Variants in MYPN observed in about 807,000 individuals in gnomAD.
The protein encoded by MYPN is myopalladin.
In MYPN, 63 loss-of-function variants were observed where a neutral mutation model predicts 129.4. The ratio of observed to expected loss-of-function variants is 0.49; its 90% CI spans 0.40 to 0.60. MYPN has a LOEUF of 0.60. Ranked by LOEUF, MYPN falls within the 20% of genes least tolerant of loss-of-function variation. MYPN has a pLI of 0.00. For synonymous variants in MYPN, 629 were observed against 600.9 expected (o/e 1.05, Z -0.68); for missense variants, 1,596 against 1,635.4 (o/e 0.98, Z 0.42).
At chr10:68,189,355 T>C (rs1238436286) in intron 13 of MYPN, among the ~76,000 whole-genome samples, 2 of 152,256 alleles carry the variant, frequency 1.3e-5, no homozygotes, top group South Asian at 2.1e-4. Flanking sequence ...TTTATCTTTT[T>C]TGTGTATTGG....
At chr10:68,159,648 A>T (rs78314551) in intron 7 of MYPN, among the ~76,000 whole-genome samples, 7,532 of 151,860 alleles carry the variant, frequency 0.05, 229 homozygotes, top group Middle Eastern at 0.068. Context: ...ATTGCAACAT[A>T]CTTGCTTTTT....
upstream of MYPN, among the ~76,000 whole-genome samples, chr10:68,101,880 CCTTAT>C (rs1370196638): frequency 1.3e-5 from 2 of 151,822 alleles, no homozygotes; most frequent in Non-Finnish European, 2.9e-5. Flanking sequence ...TACTTGTTAT[CCTTAT>C]CTTAAGATAT....
chr10:68,096,784 A>C (rs905861704), intron 1 of MYPN, among the ~76,000 whole-genome samples: 1 of 152,180 alleles, frequency 6.6e-6, no homozygotes. Context: ...AAAGGTTAGG[A>C]TATTCCTCAC....
chr10:68,167,365 A>G (rs1245344269), intron 10 of MYPN, among the ~76,000 whole-genome samples: 1 of 152,134 alleles, frequency 6.6e-6, no homozygotes, highest in Non-Finnish European at 1.5e-5. Context: ...TGGAAAAACT[A>G]TTTAGTAATT....
At chr10:68,129,204 C>T (rs888837899) in intron 2 of MYPN, among the ~76,000 whole-genome samples, 2 of 152,140 alleles carry the variant, frequency 1.3e-5, no homozygotes, top group Non-Finnish European at 2.9e-5. Flanking sequence ...TGTGTTCTAA[C>T]AAACTGCTGA....
intron 12 of MYPN, among the ~76,000 whole-genome samples, chr10:68,186,825 A>G (rs1296298681): frequency 6.6e-6 from 1 of 152,092 alleles, no homozygotes; most frequent in Non-Finnish European, 1.5e-5. Context: ...CAAGAAAAAT[A>G]CTAGATAGTA....
At chr10:68,190,289 C>T (rs2043490678) in intron 13 of MYPN, among the ~76,000 whole-genome samples, 2 of 152,150 alleles carry the variant, frequency 1.3e-5, no homozygotes, top group African/African-American at 2.4e-5. Context: ...CAGGTTCAAG[C>T]AATTCTCGTG....
At chr10:68,149,938 TGGGA>T in intron 5 of MYPN, 98 bp from the exon 6 acceptor site, 1 of 1,060,984 alleles carries the variant, frequency 9.4e-7, no homozygotes, top group Non-Finnish European at 1.5e-6. Flanking sequence ...TTTTTTGGTT[TGGGA>T]TGCATTTCAT....
chr10:68,099,353 G>A (rs2041971729), intron 1 of MYPN, among the ~76,000 whole-genome samples: 1 of 152,008 alleles, frequency 6.6e-6, no homozygotes, highest in Non-Finnish European at 1.5e-5. Context: ...GTGTTGTTTT[G>A]TTGTTGTTGT....
Position 68,149,998 on chromosome 10 carries a change from A to G in MYPN, c.1246-42A>G, listed in dbSNP as rs781266797. ...GTTATGTCTCACTATCCATCTAATA[A>G]TATTAGTAACAATGAATTTACTGTT... is the stretch of plus-strand genomic sequence containing the variant. On this transcript the variant is annotated intron_variant, in intron 5 of 19. Transcript: ENST00000358913. 1.9e-6 allele frequency: 3 copies of G among 1,542,134 alleles called. No homozygotes were observed. The South Asian group carries it at 3.3e-5, about 17-fold the overall frequency.
rs1345948618 is a variant in MYPN at position 68,122,018 on chromosome 10, G to A, written c.580G>A (p.Glu194Lys). 1 of 1,614,152 alleles carries A rather than the reference G, an allele frequency of 6.2e-7. No homozygotes were observed. Among genetic ancestry groups the A allele is most frequent in the Non-Finnish European group, 8.5e-7 (1 of 1,180,040 alleles). The change falls in exon 2 of 20, where the codon GAA (glutamate) becomes AAA (lysine). Residue 194 changes from glutamate to lysine, a missense_variant. Transcript: ENST00000358913. ...GGAATCTCAAAACAAAGTTATGCAGGAAAACAGCTCCAGTTTCTCAGATCT... is the reference window on the plus strand; with the variant it reads ...GGAATCTCAAAACAAAGTTATGCAGAAAAACAGCTCCAGTTTCTCAGATCT... ...KLESQNKVMQ[E>K]NSSSFSDLSE...
At chr10:68,132,712 T>G (rs1180004761) in intron 2 of MYPN, among the ~76,000 whole-genome samples, 1 of 152,114 alleles carries the variant, frequency 6.6e-6, no homozygotes, top group Non-Finnish European at 1.5e-5. Flanking sequence ...AGGGGGGATA[T>G]AGGGCAGTCA....
rs1564705634 is a variant in MYPN, at chr10:68,211,268, T to C, written c.*813T>C. Reference sequence around the variant, plus strand: ...TCCTCTGTGGGGTCACTTTAAAAACTACTAGCTTCAACTACCACTTACAAA... The same window carrying C: ...TCCTCTGTGGGGTCACTTTAAAAACCACTAGCTTCAACTACCACTTACAAA... On this transcript the variant is annotated 3_prime_UTR_variant, in exon 20 of 20. Transcript: ENST00000358913. The C allele has an allele frequency of 2.2e-6, 1 of 454,108 alleles. No homozygotes were observed. Among genetic ancestry groups the C allele is most frequent in the Non-Finnish European group, 4.4e-6 (1 of 226,792 alleles). The allele number at this position is 454,108 out of a possible 1,614,324, so 28.1% of individuals were successfully genotyped here. A position where few individuals can be genotyped will look rare whatever the true frequency, so the allele number is the denominator to read the frequency against.
upstream of MYPN, among the ~76,000 whole-genome samples, chr10:68,104,245 T>G (rs2041996428): frequency 6.6e-6 from 1 of 152,198 alleles, no homozygotes; most frequent in Admixed American, 6.5e-5. Context: ...TGTTTTCAGT[T>G]TTTGGAGATG....
intron 2 of MYPN, among the ~76,000 whole-genome samples, chr10:68,139,402 G>A (rs35168680): frequency 0.098 from 14,898 of 152,128 alleles, 915 homozygotes; most frequent in Non-Finnish European, 0.14. Context: ...TCCACCTTCC[G>A]AGAGTTTTGA....
chr10:68,210,905 T>A lies in MYPN; in HGVS notation c.*450T>A, dbSNP rs1369166353. The stretch of plus-strand genomic sequence containing the variant: ...GCGGACAGGTCACCATCACCTTTCA[T>A]CGATTACATGTATAGCAGTAGTTTT... On this transcript the variant is annotated 3_prime_UTR_variant, in exon 20 of 20. Coordinates refer to ENST00000358913, the MANE Select transcript of MYPN (RefSeq NM_032578.4). 2.2e-6 allele frequency: 1 copy of A among 455,026 alleles called. No homozygotes were observed. The highest frequency in any genetic ancestry group is 2.0e-5 in the African/African-American group (1 of 50,026). 28.2% of individuals were successfully genotyped at this position (455,026 alleles called of 1,614,324 possible).
rs546410569 is a variant in MYPN at position 68,211,152 on chromosome 10, T to C, written c.*697T>C. ...TGGCCTTACCAGCTTGTCTGCACTA[T>C]TTTCTTTTGGGTGGTGACTGTTTTT... On this transcript the variant is annotated 3_prime_UTR_variant, in exon 20 of 20. Coordinates refer to ENST00000358913, the MANE Select transcript of MYPN (RefSeq NM_032578.4). 2.2e-6 allele frequency: 1 copy of C among 454,090 alleles called. No homozygotes were observed. The highest frequency in any genetic ancestry group is 2.3e-5 in the Admixed American group (1 of 42,566). The allele number at this position is 454,090 out of a possible 1,614,324, so 28.1% of individuals were successfully genotyped here.
intron 14 of MYPN, among the ~76,000 whole-genome samples, chr10:68,194,751 T>G (rs12260101): frequency 0.013 from 1,970 of 152,346 alleles, 36 homozygotes; most frequent in African/African-American, 0.041. Flanking sequence ...TTTCACTATG[T>G]ATACCTTGCA....
chr10:68,169,323 A>C (rs1446540470), intron 10 of MYPN, among the ~76,000 whole-genome samples: 1 of 150,100 alleles, frequency 6.7e-6, no homozygotes, highest in Admixed American at 6.7e-5. Flanking sequence ...GCGTTACTGC[A>C]CTCCAGCCTG....
Sources: allele counts gnomAD v4.1 joint callset (sites outside exome capture counted in the v4.1 genomes callset), GRCh38; gene constraint gnomAD v4.1.1; transcripts MANE v1.5; gene names NCBI Gene and HGNC (gene_info 2026-07-23, HGNC 2026-07-21).